The following SPTB variants were observed in gnomAD, a reference collection of about 807,000 sequenced individuals.
SPTB encodes spectrin beta chain, erythrocytic.
A neutral mutation model predicts 256.2 loss-of-function variants in SPTB; 45 were observed. That is an observed-to-expected ratio of 0.18 (90% CI 0.14 to 0.23). SPTB has a LOEUF of 0.23. SPTB is among the 10% of genes least tolerant of loss of function. The pLI is 1.00. For synonymous variants in SPTB, 1,231 were observed against 1,243.1 expected (o/e 0.99, Z 0.21); for missense variants, 2,715 against 3,040.4 (o/e 0.89, Z 2.52).
intron 33 of SPTB, among the ~76,000 whole-genome samples, chr14:64,751,046 T>C (rs924937994): frequency 3.5e-5 from 5 of 144,476 alleles, no homozygotes; most frequent in Non-Finnish European, 7.6e-5. Flanking sequence ...GTAGCAATTA[T>C]ATATTATATA....
At chr14:64,813,970 C>A (rs928872511) in intron 2 of SPTB, among the ~76,000 whole-genome samples, 1 of 152,350 alleles carries the variant, frequency 6.6e-6, no homozygotes, top group African/African-American at 2.4e-5. Flanking sequence ...TCTGTTTAAC[C>A]AGTTAGGGAA....
At chr14:64,753,068 C>T (rs1566732707) in intron 33 of SPTB, among the ~76,000 whole-genome samples, 1 of 152,164 alleles carries the variant, frequency 6.6e-6, no homozygotes. Flanking sequence ...TCCCATTTTA[C>T]AGCTGAGGAC....
intron 23 of SPTB, 82 bp from the exon 24 acceptor site, chr14:64,774,609 GGTGCCCGAGGGAGGA>G: frequency 1.3e-6 from 2 of 1,543,388 alleles, no homozygotes; most frequent in Non-Finnish European, 1.8e-6. Context: ...CACTCCTGGA[GGTGCCCGAGGGAGGA>G]GGGGAGTAGG....
chr14:64,782,332 G>C lies in SPTB; in HGVS notation c.4224C>G (p.Gly1408=), dbSNP rs2082485958. Residue 1408 remains glycine, a synonymous_variant, in exon 20 of 36, where the codon GGC becomes GGG. Transcript: ENST00000644917. The part of the protein sequence containing the change: ...MEDQLRSDDP[G]KDLTSVNRML... ...TCCGATTGACACTGGTCAGGTCCTT[G>C]CCCGGGTCGTCTGACCGCAGCTGGT... 2.5e-6 allele frequency: 4 copies of C among 1,614,176 alleles called. No individual in the cohort carries two copies. Among genetic ancestry groups the C allele is most frequent in the Non-Finnish European group, 3.4e-6 (4 of 1,180,042 alleles).
At chr14:64,801,114 A>G (rs1262677247) in intron 7 of SPTB, among the ~76,000 whole-genome samples, 171 bp downstream of exon 7, 1 of 152,374 alleles carries the variant, frequency 6.6e-6, no homozygotes, top group Non-Finnish European at 1.5e-5. Context: ...AGCATGGAGC[A>G]GAGAAGCAGG....
Position 64,793,456 on chromosome 14 carries a change from T to C in SPTB, c.2207A>G (p.Lys736Arg). The change falls in exon 14 of 36, where the codon AAG becomes AGG. Residue 736 changes from lysine to arginine, a missense_variant. Coordinates refer to ENST00000644917, the MANE Select transcript of SPTB (RefSeq NM_001355436.2). This position sits in a 1 kb window ranked among gnomAD's most constrained non-coding sequence, Gnocchi z 7.0. ...GTTCTCAGCATCCTGGAGGTTCTTC[T>C]TGCAGAAGGCAGCCAGGTCCTTCAG... ...DQLKDLAAFC[K>R]KNLQDAENFF... 3.7e-6 allele frequency: 6 copies of C among 1,614,140 alleles called. No individual in the cohort carries two copies. Among genetic ancestry groups the C allele is most frequent in the Non-Finnish European group, 5.1e-6 (6 of 1,180,048 alleles).
chr14:64,874,656 T>C (rs1425879074), intron 1 of SPTB, among the ~76,000 whole-genome samples: 1 of 152,240 alleles, frequency 6.6e-6, no homozygotes, highest in East Asian at 1.9e-4. Flanking sequence ...GTTACAGACT[T>C]CTTTCTGGTC....
intron 15 of SPTB, among the ~76,000 whole-genome samples, chr14:64,787,934 G>T (rs1566760126): frequency 6.6e-6 from 1 of 152,198 alleles, no homozygotes; most frequent in East Asian, 1.9e-4. Flanking sequence ...TAATATGCAG[G>T]CTGAATGCTC....
rs1483575686 is a variant in SPTB at position 64,847,620 on chromosome 14, C to G, written c.-51-24475G>C. Reference sequence around the variant, plus strand: ...CTAAGCCAGAACAGTGAGCAGGACTCCAGAAAGTCTGAGATGAGAGCACTG... The same window carrying G: ...CTAAGCCAGAACAGTGAGCAGGACTGCAGAAAGTCTGAGATGAGAGCACTG... On this transcript the variant is annotated intron_variant, in intron 1 of 35. Transcript: ENST00000644917. The surrounding 1 kb of genome is among the most constrained non-coding windows in gnomAD (Gnocchi z 5.9). Among the ~76,000 whole-genome samples the G allele has an allele frequency of 6.6e-6, 1 of 152,152 alleles. No individual in the cohort carries two copies. The highest frequency in any genetic ancestry group is 1.5e-5 in the Non-Finnish European group (1 of 68,024).
intron 1 of SPTB, among the ~76,000 whole-genome samples, chr14:64,879,346 T>C (rs922543246): frequency 9.2e-5 from 14 of 152,136 alleles, no homozygotes; most frequent in South Asian, 2.1e-4. Flanking sequence ...AAGAGGGATA[T>C]GAGCGGCCAC....
chr14:64,799,928 C>A lies in SPTB; in HGVS notation c.883G>T (p.Asp295Tyr). The change falls in exon 9 of 36, where the codon GAC becomes TAC. Residue 295 changes from aspartate (D) to tyrosine (Y), a missense_variant. Physicochemically the swap from Asp to Tyr is radical, Grantham distance 160. Transcript: ENST00000644917. The part of the protein sequence containing the change: ...VEGKRVGKVI[D>Y]HAIETEKMIE... ...ATCTTCTCAGTCTCAATGGCATGGTCAATAACCTAAGGAATCATCTTCTTA... is the reference window on the plus strand; with the variant it reads ...ATCTTCTCAGTCTCAATGGCATGGTAAATAACCTAAGGAATCATCTTCTTA... 1.2e-6 allele frequency: 2 copies of A among 1,614,182 alleles called. No homozygotes were observed. The highest frequency in any genetic ancestry group is 1.1e-5 in the South Asian group (1 of 91,048).
At chr14:64,820,897 T>G (rs1161777005) in intron 2 of SPTB, among the ~76,000 whole-genome samples, 2 of 152,072 alleles carry the variant, frequency 1.3e-5, no homozygotes, top group Non-Finnish European at 2.9e-5. Context: ...AGGCTGGTCT[T>G]GAACTCCTGG....
At chr14:64,849,853 C>A (rs2083752638) in intron 1 of SPTB, among the ~76,000 whole-genome samples, 1 of 152,180 alleles carries the variant, frequency 6.6e-6, no homozygotes, top group Non-Finnish European at 1.5e-5. Context: ...TCTGCAGACC[C>A]TTGGTCTAGA....
intron 2 of SPTB, among the ~76,000 whole-genome samples, chr14:64,808,516 A>T (rs2139653521): frequency 6.6e-6 from 1 of 152,288 alleles, no homozygotes. Flanking sequence ...TAAAACCCTC[A>T]AATATATCCA....
rs764617663 is a variant in SPTB at position 64,770,913 on chromosome 14, G to C, written c.5770C>G (p.Arg1924Gly). ...DLLSWMESIIRQIETQERPRD... is the reference protein window; with the variant it reads ...DLLSWMESIIGQIETQERPRD... ...GGCCTCTCCTGGGTCTCGATCTGCC[G>C]GATGATGCTCTCCATCCAGGAGAGG... The change falls in exon 27 of 36, where the codon CGG (arginine) becomes GGG (glycine). Residue 1924 changes from arginine (R) to glycine (G), a missense_variant. This residue lies in a region of SPTB where 2,239 missense variants were observed against 2,384.4 expected (regional missense o/e 0.94). Transcript: ENST00000644917. 2.5e-6 allele frequency: 4 copies of C among 1,614,110 alleles called. No individual in the cohort carries two copies. The highest frequency in any genetic ancestry group is 3.4e-6 in the Non-Finnish European group (4 of 1,180,032).
chr14:64,753,964 C>G, intron 32 of SPTB, 171 bp from the exon 33 acceptor site: 1 of 818,698 alleles, frequency 1.2e-6, no homozygotes, highest in South Asian at 1.5e-5. Context: ...GCTATGGGTG[C>G]CCCCTTGCTT....
rs779000602 is a variant in SPTB, at chr14:64,748,934, CTCTT to C, written c.*368_*371del. The C allele has an allele frequency of 2.6e-3, 422 of 161,104 alleles. 5 individuals carry two copies. Among genetic ancestry groups the C allele is most frequent in the African/African-American group, 4.6e-3 (136 of 29,568 alleles). 10.0% of individuals were successfully genotyped at this position (161,104 alleles called of 1,614,324 possible). A position where few individuals can be genotyped will look rare whatever the true frequency, so the allele number is the denominator to read the frequency against. On this transcript the variant is annotated 3_prime_UTR_variant, in exon 36 of 36. Transcript: ENST00000644917. The stretch of plus-strand genomic sequence containing the variant: ...GAAGAACCCCATCAGCCTTCTCCAG[CTCTT>C]TTTTTTTTTTTTTTTTGGTTGGGGG...
At chr14:64,808,876 T>C (rs2083036036) in intron 2 of SPTB, among the ~76,000 whole-genome samples, 1 of 151,900 alleles carries the variant, frequency 6.6e-6, no homozygotes, top group African/African-American at 2.4e-5. Context: ...ATTGGAGTGG[T>C]TGAGGGGGCA....
chr14:64,768,698 C>T (rs2082230513), intron 29 of SPTB, among the ~76,000 whole-genome samples: 1 of 139,552 alleles, frequency 7.2e-6, no homozygotes, highest in African/African-American at 2.5e-5. Context: ...CTCCCCCAGG[C>T]CCCCAGCCCC....
Sources: gnomAD v4.1 joint callset for allele counts (sites outside exome capture counted in the v4.1 genomes callset) on GRCh38, gnomAD v4.1.1 for gene constraint, gnomAD v4.1.1 regional missense constraint, Gnocchi (gnomAD v3.1) non-coding constraint, MANE v1.5 for transcripts, NCBI Gene and HGNC (gene_info 2026-07-23, HGNC 2026-07-21) for gene names.